The following SSBP2 variants were observed in gnomAD, a reference collection of about 807,000 sequenced individuals.
The protein encoded by SSBP2 is single stranded DNA binding protein 2.
In SSBP2, 17 loss-of-function variants were observed where a neutral mutation model predicts 61.8. The ratio of observed to expected loss-of-function variants is 0.28; its 90% CI spans 0.19 to 0.41. The LOEUF is 0.41. Among genes scored for constraint, SSBP2 ranks in the 10% least tolerant of loss-of-function variants. The pLI is 1.00. For synonymous variants in SSBP2, 139 were observed against 141.3 expected (o/e 0.98, Z 0.12); for missense variants, 310 against 458.7 (o/e 0.68, Z 2.96).
chr5:81,637,632 T>A (rs1048564187), intron 2 of SSBP2, among the ~76,000 whole-genome samples: 9 of 152,226 alleles, frequency 5.9e-5, no homozygotes, highest in Admixed American at 6.5e-5. Context: ...CTCAGTTTCC[T>A]CATCTATAAA....
chr5:81,545,749 T>C (rs1771683205), intron 4 of SSBP2, among the ~76,000 whole-genome samples: 1 of 152,140 alleles, frequency 6.6e-6, no homozygotes, highest in Admixed American at 6.5e-5. Flanking sequence ...TATGGCAAAT[T>C]AAAAGGGAAA....
chr5:81,631,829 T>C (rs190486825), intron 3 of SSBP2, among the ~76,000 whole-genome samples: 1 of 152,266 alleles, frequency 6.6e-6, no homozygotes, highest in East Asian at 1.9e-4. Context: ...GAACCCTAGA[T>C]CAATTTGACT....
At chr5:81,592,068 G>A (rs1775554053) in intron 4 of SSBP2, among the ~76,000 whole-genome samples, 1 of 152,244 alleles carries the variant, frequency 6.6e-6, no homozygotes, top group African/African-American at 2.4e-5. Flanking sequence ...AAGGGGTCAG[G>A]GAATTCCCTT....
chr5:81,684,687 G>T (rs550887604), intron 1 of SSBP2, among the ~76,000 whole-genome samples: 1 of 152,070 alleles, frequency 6.6e-6, no homozygotes, highest in Non-Finnish European at 1.5e-5. Flanking sequence ...GCATTTACCC[G>T]ATGCTTGTAC....
intron 5 of SSBP2, among the ~76,000 whole-genome samples, chr5:81,505,591 AT>A (rs533646241): frequency 3.0e-4 from 45 of 152,116 alleles, no homozygotes; most frequent in Non-Finnish European, 5.0e-4. Flanking sequence ...CTCTATATAA[AT>A]TTTTTTTATC....
At chr5:81,677,907 G>T (rs1383807117) in intron 1 of SSBP2, among the ~76,000 whole-genome samples, 1 of 151,026 alleles carries the variant, frequency 6.6e-6, no homozygotes, top group Non-Finnish European at 1.5e-5. Context: ...CTTATCACAG[G>T]ACTATAAAAG....
chr5:81,656,208 C>T (rs140710809), intron 1 of SSBP2, among the ~76,000 whole-genome samples: 4,198 of 152,092 alleles, frequency 0.028, 80 homozygotes, highest in Middle Eastern at 0.088. Context: ...TGCACCACCA[C>T]GCCCAGCTAA....
intron 1 of SSBP2, among the ~76,000 whole-genome samples, chr5:81,748,424 T>C (rs1012766500): frequency 6.6e-6 from 1 of 152,196 alleles, no homozygotes; most frequent in Admixed American, 6.5e-5. Flanking sequence ...AGTACATTGT[T>C]GCAGAATAGT....
chr5:81,709,381 C>T (rs1431645744), intron 1 of SSBP2, among the ~76,000 whole-genome samples: 1 of 151,924 alleles, frequency 6.6e-6, no homozygotes, highest in Admixed American at 6.6e-5. Context: ...CCATATTTTA[C>T]CCCTTCCCCT....
At chr5:81,659,984 T>C (rs1340791057) in intron 1 of SSBP2, among the ~76,000 whole-genome samples, 2 of 152,052 alleles carry the variant, frequency 1.3e-5, no homozygotes, top group Admixed American at 6.6e-5. Flanking sequence ...AAACTGAAAC[T>C]AGACCCCTTC....
intron 4 of SSBP2, among the ~76,000 whole-genome samples, chr5:81,547,439 G>GT (rs1771823018): frequency 6.6e-6 from 1 of 151,206 alleles, no homozygotes; most frequent in East Asian, 1.9e-4. Flanking sequence ...AAGATATGAG[G>GT]TATCAAGCCA....
intron 16 of SSBP2, among the ~76,000 whole-genome samples, chr5:81,426,924 T>C (rs1311317569): frequency 6.6e-6 from 1 of 152,242 alleles, no homozygotes; most frequent in East Asian, 1.9e-4. Flanking sequence ...ATGGCTTATA[T>C]ATACATTACA....
At chr5:81,584,634 C>A (rs1025942064) in intron 4 of SSBP2, among the ~76,000 whole-genome samples, 1 of 152,054 alleles carries the variant, frequency 6.6e-6, no homozygotes, top group African/African-American at 2.4e-5. Context: ...CCAAGCCCAG[C>A]ACGGATATAA....
chr5:81,432,484 T>C (rs1465432817), intron 15 of SSBP2, among the ~76,000 whole-genome samples: 1 of 152,126 alleles, frequency 6.6e-6, no homozygotes, highest in African/African-American at 2.4e-5. Context: ...CGGTGGCTCA[T>C]GCCTGTAATC....
intron 4 of SSBP2, among the ~76,000 whole-genome samples, chr5:81,578,437 A>G (rs78955694): frequency 0.011 from 1,743 of 152,102 alleles, 26 homozygotes; most frequent in African/African-American, 0.04. Flanking sequence ...TTTTACTTAT[A>G]AAAAGTCATC....
chr5:81,746,003 T>C (rs1757327584), intron 1 of SSBP2, among the ~76,000 whole-genome samples: 1 of 152,116 alleles, frequency 6.6e-6, no homozygotes, highest in African/African-American at 2.4e-5. Flanking sequence ...TGTAGTGATT[T>C]TGTCTGCATC....
intron 4 of SSBP2, among the ~76,000 whole-genome samples, chr5:81,590,462 C>T (rs369588713): frequency 1.6e-4 from 25 of 152,208 alleles, no homozygotes; most frequent in African/African-American, 4.6e-4. Flanking sequence ...ACAAGCAGGA[C>T]ATGAGCACTT....
intron 11 of SSBP2, 150 bp from the exon 12 acceptor site, chr5:81,447,072 T>C (rs952339385): frequency 2.6e-5 from 16 of 604,142 alleles, no homozygotes; most frequent in Non-Finnish European, 3.2e-5. Context: ...ATCATTTCAA[T>C]ATTCTACAAA....
chr5:81,434,777 A>C (rs147957337), intron 15 of SSBP2, among the ~76,000 whole-genome samples: 7 of 152,292 alleles, frequency 4.6e-5, no homozygotes, highest in African/African-American at 1.7e-4. Flanking sequence ...CAAAAGGAAG[A>C]AGAAAGCTTC....
Sources: allele counts gnomAD v4.1 joint callset (sites outside exome capture counted in the v4.1 genomes callset), GRCh38; gene constraint gnomAD v4.1.1; transcripts MANE v1.5; gene names NCBI Gene and HGNC (gene_info 2026-07-23, HGNC 2026-07-21).